CUL3: variants seen among roughly 807,000 people sequenced by gnomAD.
CUL3 encodes the protein cullin-3.
Under a neutral mutation model 89.1 loss-of-function variants are expected in CUL3, and 19 were observed. The observed-to-expected ratio is 0.21, with a 90% CI of 0.15 to 0.31. The LOEUF is 0.31. CUL3 is among the 10% of genes least tolerant of loss of function. The probability of loss-of-function intolerance (pLI) is 1.00; values close to 1 mark genes in which losing one functional copy is unlikely to be tolerated. For synonymous variants in CUL3, 351 were observed against 308.4 expected, an observed-to-expected ratio of 1.14 and a Z score of -1.45; for missense variants, 469 against 942.3, an observed-to-expected ratio of 0.50 and a Z score of 6.58.
chr2:224,584,137 A>G (rs891001980), intron 1 of CUL3, among the ~76,000 whole-genome samples: 1 of 152,184 alleles, frequency 6.6e-6, no homozygotes, highest in South Asian at 2.1e-4. Flanking sequence ...TAATGCCAAA[A>G]AAGAAAAAGT....
intron 12 of CUL3, among the ~76,000 whole-genome samples, chr2:224,496,338 G>C (rs1692171723): frequency 6.6e-6 from 1 of 152,096 alleles, no homozygotes; most frequent in African/African-American, 2.4e-5. Context: ...CCAATTTTCT[G>C]GTAACTTTAA....
In CUL3 at chr2:224,576,670, T is replaced by A. The variant is rs954729778; in HGVS notation, c.66+8274A>T. ...GGACAGGGACCACAACCTAACCTAG[T>A]TCAGGAGTGAAAAAAAAGGGGGGGG... On this transcript the variant is annotated intron_variant, in intron 1 of 15. Coordinates refer to ENST00000264414, the MANE Select transcript of CUL3 (RefSeq NM_003590.5). 3.2e-5 allele frequency among the ~76,000 whole-genome samples: 3 copies of A among 94,994 alleles called. No homozygotes were observed. In the South Asian group the frequency reaches 1.3e-3, roughly 41 times the overall value. 62.3% of individuals were successfully genotyped at this position (94,994 alleles called of 152,430 possible).
At chr2:224,578,620 T>A (rs973663965) in intron 1 of CUL3, among the ~76,000 whole-genome samples, 1 of 152,172 alleles carries the variant, frequency 6.6e-6, no homozygotes, top group Non-Finnish European at 1.5e-5. Flanking sequence ...GATAGACTAA[T>A]AACTAATTGT....
chr2:224,545,380 T>C lies in CUL3; in HGVS notation c.265-9739A>G, dbSNP rs555317916. On this transcript the variant is annotated intron_variant, in intron 2 of 15. Coordinates refer to ENST00000264414, the MANE Select transcript of CUL3 (RefSeq NM_003590.5). ...CACTGTAGGGAAAAAATTTTCTCCA[T>C]TGCTGCCAGAAGATTCCTCATTAAG... 5.9e-5 allele frequency among the ~76,000 whole-genome samples: 9 copies of C among 152,236 alleles called. No homozygotes were observed. The East Asian group carries it at 1.2e-3, about 20-fold the overall frequency.
chr2:224,534,507 C>G (rs1046934256), intron 3 of CUL3, among the ~76,000 whole-genome samples: 1 of 152,154 alleles, frequency 6.6e-6, no homozygotes, highest in Non-Finnish European at 1.5e-5. Context: ...GATTTAAAAA[C>G]TTGTAAGAGA....
At chr2:224,526,539 T>C (rs1187525787) in intron 3 of CUL3, among the ~76,000 whole-genome samples, 1 of 139,464 alleles carries the variant, frequency 7.2e-6, no homozygotes. Flanking sequence ...TGAGCTGAGA[T>C]TGCACCACTG....
intron 2 of CUL3, among the ~76,000 whole-genome samples, chr2:224,548,467 G>A (rs1415815083): frequency 6.6e-6 from 1 of 152,140 alleles, no homozygotes; most frequent in Non-Finnish European, 1.5e-5. Flanking sequence ...AAAAAGATAA[G>A]TTAATTTTAA....
Position 224,546,446 on chromosome 2 carries a change from C to T in CUL3, c.265-10805G>A, listed in dbSNP as rs16866044. Among the ~76,000 whole-genome samples, 1,254 of 152,018 alleles carry T rather than the reference C, an allele frequency of 8.2e-3. 10 individuals are homozygous for T. Among genetic ancestry groups the T allele is most frequent in the African/African-American group, 0.029 (1,196 of 41,440 alleles). ...TTAACTCGAGTAGGGAGAGGTATTACCCCACACAGAGAAAAAAAAAATGGA... is the reference window on the plus strand; with the variant it reads ...TTAACTCGAGTAGGGAGAGGTATTATCCCACACAGAGAAAAAAAAAATGGA... On this transcript the variant is annotated intron_variant, in intron 2 of 15. Transcript: ENST00000264414.
In CUL3 at chr2:224,514,678, C is replaced by T; in HGVS notation, c.473G>A (p.Arg158Lys). ...RDQVVRYGCI[R>K]DHLRQTLLDM... is the part of the protein sequence containing the mutation. ...CAATAGAGTTTGCCGTAGATGATCCCTAATACACCCATAACGTACAACTTG... is the reference window on the plus strand; with the variant it reads ...CAATAGAGTTTGCCGTAGATGATCCTTAATACACCCATAACGTACAACTTG... Residue 158 changes from arginine to lysine, a missense_variant, in exon 4 of 16, where the codon AGG becomes AAG. Around this residue, in one of 4 missense-constraint regions of CUL3, gnomAD observed 370 missense variants for 733.2 expected, o/e 0.50. Coordinates refer to ENST00000264414, the MANE Select transcript of CUL3 (RefSeq NM_003590.5). 2 of 1,613,714 alleles carry T rather than the reference C, an allele frequency of 1.2e-6. No individual in the cohort carries two copies. Among genetic ancestry groups the T allele is most frequent in the Non-Finnish European group, 1.7e-6 (2 of 1,179,740 alleles).
chr2:224,535,906 A>C (rs1416229697), intron 2 of CUL3, among the ~76,000 whole-genome samples: 2 of 152,162 alleles, frequency 1.3e-5, no homozygotes, highest in African/African-American at 4.8e-5. Flanking sequence ...ACTTGACATC[A>C]TTGTCAGAGT....
intron 14 of CUL3, among the ~76,000 whole-genome samples, chr2:224,480,521 T>TA (rs1364762015): frequency 2.0e-5 from 3 of 152,182 alleles, no homozygotes; most frequent in Non-Finnish European, 4.4e-5. Context: ...TACATACACA[T>TA]ACTCCAGATA....
intron 13 of CUL3, among the ~76,000 whole-genome samples, chr2:224,486,051 A>G (rs1691708885): frequency 6.6e-6 from 1 of 152,268 alleles, no homozygotes; most frequent in Non-Finnish European, 1.5e-5. Flanking sequence ...AACAAACAGA[A>G]AGCAATAACA....
chr2:224,553,016 A>G (rs1197714774), intron 2 of CUL3, among the ~76,000 whole-genome samples: 1 of 152,230 alleles, frequency 6.6e-6, no homozygotes, highest in Admixed American at 6.5e-5. Flanking sequence ...GCTTTTGCAC[A>G]TTGTATCAGT....
At chr2:224,497,887 A>G in intron 11 of CUL3, 38 bp from the exon 12 acceptor site, 1 of 1,466,724 alleles carries the variant, frequency 6.8e-7, no homozygotes, top group Non-Finnish European at 9.6e-7. Context: ...AAATCAAACA[A>G]ACTTACACAT....
chr2:224,479,269 C>T (rs904610213), intron 14 of CUL3: 1 of 151,778 alleles, frequency 6.6e-6, no homozygotes, highest in African/African-American at 2.4e-5. Context: ...TGTGCGTATC[C>T]ATTCAACTGT....
chr2:224,503,955 T>C, intron 8 of CUL3, 133 bp from the exon 9 acceptor site: 1 of 656,826 alleles, frequency 1.5e-6, no homozygotes. Context: ...AAAAAAGGGA[T>C]ACGGTTTGAG....
intron 3 of CUL3, among the ~76,000 whole-genome samples, chr2:224,515,468 T>C (rs1162793820): frequency 2.0e-5 from 3 of 152,226 alleles, no homozygotes; most frequent in Non-Finnish European, 2.9e-5. Context: ...ATGTAATTCC[T>C]TTCTCGTCTC....
intron 5 of CUL3, among the ~76,000 whole-genome samples, chr2:224,512,596 G>A (rs1692873558): frequency 6.6e-6 from 1 of 152,020 alleles, no homozygotes. Flanking sequence ...TTTACTTTTA[G>A]CAATTTAGTT....
intron 2 of CUL3, among the ~76,000 whole-genome samples, chr2:224,550,315 T>TA (rs1253242876): frequency 2.0e-5 from 3 of 152,210 alleles, no homozygotes; most frequent in Admixed American, 2.0e-4. Context: ...GTCTGTGAAA[T>TA]AAAGTTTTGG....
Sources: gnomAD v4.1 joint callset for allele counts (sites outside exome capture counted in the v4.1 genomes callset) on GRCh38, gnomAD v4.1.1 for gene constraint, gnomAD v4.1.1 regional missense constraint, MANE v1.5 for transcripts, NCBI Gene and HGNC (gene_info 2026-07-23, HGNC 2026-07-21) for gene names.